The following MACROD2 variants were observed in gnomAD, a reference collection of about 807,000 sequenced individuals.
MACROD2 encodes the protein ADP-ribose glycohydrolase MACROD2.
A neutral mutation model predicts 70.4 loss-of-function variants in MACROD2; 36 were observed. The ratio of observed to expected loss-of-function variants is 0.51; its 90% CI spans 0.39 to 0.68. The LOEUF is 0.68. Ranked by LOEUF, MACROD2 falls within the 30% of genes least tolerant of loss-of-function variation. MACROD2 has a pLI of 0.00. For synonymous variants in MACROD2, 172 were observed against 178.8 expected (o/e 0.96, Z 0.30); for missense variants, 496 against 538.4 (o/e 0.92, Z 0.78).
chr20:14,893,450 C>T (rs1354416108), intron 5 of MACROD2: 1 of 152,098 alleles, frequency 6.6e-6, no homozygotes, highest in East Asian at 1.9e-4. Context: ...TTGTTACTTT[C>T]CGTTTTTTGA....
At chr20:15,513,033 GT>G (rs995403158) in intron 8 of MACROD2, among the ~76,000 whole-genome samples, 2 of 152,114 alleles carry the variant, frequency 1.3e-5, no homozygotes, top group African/African-American at 2.4e-5. Flanking sequence ...TACAAAGTTC[GT>G]TTTTCTAAGT....
chr20:14,889,172 G>C (rs894285202), intron 5 of MACROD2, among the ~76,000 whole-genome samples: 22 of 152,194 alleles, frequency 1.4e-4, no homozygotes, highest in African/African-American at 5.3e-4. Context: ...ATCTCATGCT[G>C]TTATGTTCCT....
intron 6 of MACROD2, among the ~76,000 whole-genome samples, chr20:15,259,582 C>T (rs935735859): frequency 9.2e-5 from 14 of 151,802 alleles, no homozygotes; most frequent in African/African-American, 3.4e-4. Flanking sequence ...GTTTTTAAAG[C>T]CATACATTTA....
intron 10 of MACROD2, among the ~76,000 whole-genome samples, chr20:15,887,786 A>G (rs534212105): frequency 5.9e-5 from 9 of 152,336 alleles, no homozygotes; most frequent in Admixed American, 3.9e-4. Context: ...TTTGTATAAC[A>G]CAATAATCCA....
At chr20:15,486,500 C>T (rs2047165147) in intron 7 of MACROD2, among the ~76,000 whole-genome samples, 2 of 152,156 alleles carry the variant, frequency 1.3e-5, no homozygotes, top group African/African-American at 4.8e-5. Flanking sequence ...CTTATCCCCT[C>T]TTATATGTTA....
At chr20:15,050,271 A>G (rs1466463567) in intron 5 of MACROD2, among the ~76,000 whole-genome samples, 3 of 152,156 alleles carry the variant, frequency 2.0e-5, no homozygotes, top group African/African-American at 7.2e-5. Context: ...TGACTTTCAT[A>G]TGGTACTGAC....
Position 15,846,911 on chromosome 20 carries a change from TTATATATATATATATATA to T in MACROD2, c.646-15810_646-15793del, listed in dbSNP as rs33993940. Among the ~76,000 whole-genome samples, 226 of 138,178 alleles carry T rather than the reference TTATATATATATATATATA, an allele frequency of 1.6e-3. 1 individual carries two copies. The highest frequency in any genetic ancestry group is 5.7e-3 in the African/African-American group (207 of 36,458). 90.7% of individuals were successfully genotyped at this position (138,178 alleles called of 152,430 possible). A position where few individuals can be genotyped will look rare whatever the true frequency, so the allele number is the denominator to read the frequency against. ...GACCTTGACATAGTCAAAAAAAAAA[TTATATATATATATATATA>T]TATATATATATATATATATATATGG... is the stretch of plus-strand genomic sequence containing the variant. On this transcript the variant is annotated intron_variant, in intron 8 of 17. Transcript: ENST00000684519.
chr20:15,691,895 A>G (rs560829488), intron 8 of MACROD2, among the ~76,000 whole-genome samples: 9 of 152,178 alleles, frequency 5.9e-5, no homozygotes, highest in Admixed American at 3.9e-4. Context: ...CCTTCTAATC[A>G]TGATTTAATT....
intron 3 of MACROD2, among the ~76,000 whole-genome samples, chr20:14,346,092 T>TAA (rs2083061005): frequency 4.6e-4 from 6 of 13,184 alleles, no homozygotes; most frequent in Admixed American, 1.7e-3. Flanking sequence ...AGATTCTGCC[T>TAA]CAAAAAAAAA....
chr20:14,813,347 T>G (rs116538883), intron 5 of MACROD2, among the ~76,000 whole-genome samples: 1 of 143,766 alleles, frequency 7.0e-6, no homozygotes, highest in Admixed American at 6.9e-5. Context: ...TCCCCCTTCC[T>G]CTGCCCCCCT....
intron 5 of MACROD2, among the ~76,000 whole-genome samples, chr20:15,154,896 A>G (rs559466757): frequency 1.3e-5 from 2 of 152,302 alleles, no homozygotes; most frequent in East Asian, 3.9e-4. Flanking sequence ...TAGAAATCAT[A>G]AAGTAAATGG....
At chr20:15,686,126 GACTTAA>G (rs1172862614) in intron 8 of MACROD2, among the ~76,000 whole-genome samples, 3 of 152,166 alleles carry the variant, frequency 2.0e-5, no homozygotes, top group South Asian at 4.1e-4. Context: ...ATGATTGATG[GACTTAA>G]ACTTTAACTC....
chr20:14,233,737 C>T (rs1033391082), intron 3 of MACROD2, among the ~76,000 whole-genome samples: 2 of 141,278 alleles, frequency 1.4e-5, no homozygotes, highest in African/African-American at 2.6e-5. Context: ...AAGAAATGAA[C>T]TAACAAGTCA....
chr20:15,988,969 C>A (rs2066521811), intron 15 of MACROD2, among the ~76,000 whole-genome samples: 1 of 152,156 alleles, frequency 6.6e-6, no homozygotes, highest in Non-Finnish European at 1.5e-5. Context: ...TAGCTCTGCT[C>A]CACCATTGAC....
intron 6 of MACROD2, among the ~76,000 whole-genome samples, chr20:15,342,136 G>A (rs796797227): frequency 1.3e-5 from 2 of 152,180 alleles, no homozygotes; most frequent in African/African-American, 2.4e-5. Flanking sequence ...TAACCTAAAA[G>A]TAAAAAATCT....
At chr20:14,994,146 A>G (rs1568916944) in intron 5 of MACROD2, among the ~76,000 whole-genome samples, 2 of 152,180 alleles carry the variant, frequency 1.3e-5, no homozygotes, top group Non-Finnish European at 2.9e-5. Flanking sequence ...ACATACATGT[A>G]CAGGATAGAT....
At chr20:15,903,430 G>C (rs547931838) in intron 10 of MACROD2, among the ~76,000 whole-genome samples, 1 of 152,320 alleles carries the variant, frequency 6.6e-6, no homozygotes, top group South Asian at 2.1e-4. Flanking sequence ...GCAACAGAGA[G>C]TGAAGGGGAG....
intron 5 of MACROD2, among the ~76,000 whole-genome samples, chr20:15,199,534 A>G (rs1422302386): frequency 6.6e-6 from 1 of 152,242 alleles, no homozygotes; most frequent in African/African-American, 2.4e-5. Flanking sequence ...CATAATACTT[A>G]GCACAATTCC....
At chr20:15,027,563 G>T (rs1176822672) in intron 5 of MACROD2, among the ~76,000 whole-genome samples, 2 of 150,008 alleles carry the variant, frequency 1.3e-5, no homozygotes, top group Non-Finnish European at 3.0e-5. Flanking sequence ...GTGGTGGGGG[G>T]AAATAATATC....
Sources: gnomAD v4.1 joint callset for allele counts (sites outside exome capture counted in the v4.1 genomes callset) on GRCh38, gnomAD v4.1.1 for gene constraint, MANE v1.5 for transcripts, NCBI Gene and HGNC (gene_info 2026-07-23, HGNC 2026-07-21) for gene names.